CNTNAP5: variants seen among roughly 807,000 people sequenced by gnomAD.
CNTNAP5 encodes the protein contactin-associated protein-like 5.
A neutral mutation model predicts 150.2 loss-of-function variants in CNTNAP5; 72 were observed. That is an observed-to-expected ratio of 0.48 (90% CI 0.40 to 0.58). The LOEUF is 0.58. Ranked by LOEUF, CNTNAP5 falls within the 20% of genes least tolerant of loss-of-function variation. CNTNAP5 has a pLI of 0.00. For synonymous variants in CNTNAP5, 672 were observed against 619.8 expected (o/e 1.08, Z -1.25); for missense variants, 1,636 against 1,626.2 (o/e 1.01, Z -0.10).
intron 7 of CNTNAP5, among the ~76,000 whole-genome samples, chr2:124,480,346 A>C (rs1187045793): frequency 6.6e-6 from 1 of 152,218 alleles, no homozygotes; most frequent in African/African-American, 2.4e-5. Context: ...AACAACAGTG[A>C]GTTTTCTTGA....
At chr2:124,421,550 A>C (rs1202238377) in intron 4 of CNTNAP5, among the ~76,000 whole-genome samples, 2 of 152,196 alleles carry the variant, frequency 1.3e-5, no homozygotes, top group Non-Finnish European at 2.9e-5. Flanking sequence ...AGCCTCTGTC[A>C]GTTCTTACCT....
chr2:124,828,365 C>T (rs191952292), intron 19 of CNTNAP5, among the ~76,000 whole-genome samples: 85 of 152,046 alleles, frequency 5.6e-4, no homozygotes, highest in African/African-American at 1.9e-3. Flanking sequence ...CCTGTAGTCC[C>T]AGTTACTTGG....
At chr2:124,627,951 T>C (rs1677765854) in intron 12 of CNTNAP5, among the ~76,000 whole-genome samples, 1 of 151,952 alleles carries the variant, frequency 6.6e-6, no homozygotes, top group South Asian at 2.1e-4. Context: ...ACTGACCAAG[T>C]GGAAGAGAAA....
intron 17 of CNTNAP5, among the ~76,000 whole-genome samples, chr2:124,785,453 G>A (rs1681547259): frequency 1.3e-5 from 2 of 152,208 alleles, no homozygotes; most frequent in South Asian, 4.1e-4. Context: ...GAAATGATCG[G>A]TGGGTAGAAA....
chr2:124,248,723 A>G (rs532368164), intron 3 of CNTNAP5, among the ~76,000 whole-genome samples: 25 of 152,172 alleles, frequency 1.6e-4, no homozygotes, highest in Non-Finnish European at 3.4e-4. Flanking sequence ...GCACTCACAC[A>G]TTTACACATG....
chr2:124,245,180 T>A (rs1392291052), intron 3 of CNTNAP5, among the ~76,000 whole-genome samples: 1 of 152,190 alleles, frequency 6.6e-6, no homozygotes, highest in African/African-American at 2.4e-5. Context: ...ATACCAATAA[T>A]ACCTATTTGT....
chr2:124,711,283 T>A (rs202110128), intron 13 of CNTNAP5, among the ~76,000 whole-genome samples: 3 of 106,884 alleles, frequency 2.8e-5, no homozygotes, highest in East Asian at 3.4e-4. Context: ...AAATAAAAAA[T>A]AATAATAATA....
chr2:124,114,139 G>T (rs1683369799), intron 1 of CNTNAP5, among the ~76,000 whole-genome samples: 1 of 151,904 alleles, frequency 6.6e-6, no homozygotes, highest in South Asian at 2.1e-4. Context: ...AGCTTGCCAA[G>T]CTTCTAAACA....
chr2:124,594,606 A>C (rs1158676822), intron 11 of CNTNAP5, among the ~76,000 whole-genome samples: 15 of 134,334 alleles, frequency 1.1e-4, no homozygotes, highest in African/African-American at 2.2e-4. Flanking sequence ...CTTAGGATTG[A>C]CTTGGCGATG....
At chr2:124,200,996 G>C (rs992143891) in intron 1 of CNTNAP5, among the ~76,000 whole-genome samples, 3 of 152,130 alleles carry the variant, frequency 2.0e-5, no homozygotes, top group Non-Finnish European at 4.4e-5. Context: ...CTGGGGATCT[G>C]TTTCACCCTA....
intron 3 of CNTNAP5, among the ~76,000 whole-genome samples, chr2:124,263,248 A>T (rs1384540323): frequency 6.6e-6 from 1 of 152,150 alleles, no homozygotes; most frequent in Non-Finnish European, 1.5e-5. Flanking sequence ...TGGTTGAACT[A>T]GTTTACAGTC....
chr2:124,613,485 G>A (rs746245264), intron 12 of CNTNAP5, among the ~76,000 whole-genome samples: 2 of 152,154 alleles, frequency 1.3e-5, no homozygotes, highest in Non-Finnish European at 1.5e-5. Context: ...GCCTTTCCTC[G>A]TTGAGAATTC....
At chr2:124,785,153 A>G (rs1208033060) in intron 17 of CNTNAP5, among the ~76,000 whole-genome samples, 1 of 152,182 alleles carries the variant, frequency 6.6e-6, no homozygotes, top group Admixed American at 6.5e-5. Context: ...ACTGTATACA[A>G]GAAACAAACA....
At chr2:124,442,251 G>A (rs1692693542) in intron 5 of CNTNAP5, among the ~76,000 whole-genome samples, 1 of 152,088 alleles carries the variant, frequency 6.6e-6, no homozygotes, top group Non-Finnish European at 1.5e-5. Flanking sequence ...CCTGCCCATT[G>A]AGATGGTGGT....
chr2:124,046,822 G>A (rs1681551912), intron 1 of CNTNAP5, among the ~76,000 whole-genome samples: 1 of 152,180 alleles, frequency 6.6e-6, no homozygotes. Flanking sequence ...TCCCCTGAGT[G>A]ATACCATGCC....
At chr2:124,315,757 G>C (rs1055973402) in intron 3 of CNTNAP5, among the ~76,000 whole-genome samples, 2 of 152,084 alleles carry the variant, frequency 1.3e-5, no homozygotes, top group Admixed American at 6.5e-5. Flanking sequence ...TGAGCTGCAA[G>C]GGGATCCTGC....
At chr2:124,668,217 A>C (rs1045959967) in intron 13 of CNTNAP5, among the ~76,000 whole-genome samples, 3 of 152,198 alleles carry the variant, frequency 2.0e-5, no homozygotes, top group Non-Finnish European at 2.9e-5. Context: ...GTAGTCATAC[A>C]TTTAGCTAGG....
rs115449174 is a variant in CNTNAP5 at position 124,214,825 on chromosome 2, A to G, written c.83-6880A>G. Reference sequence around the variant, plus strand: ...TCTCACAGCAAGAAGCACAACCATGAGTATTTAGCAGCTGATCAAAAAGCA... The same window carrying G: ...TCTCACAGCAAGAAGCACAACCATGGGTATTTAGCAGCTGATCAAAAAGCA... On this transcript the variant is annotated intron_variant, in intron 1 of 23. Transcript: ENST00000682447. 3.8e-3 allele frequency among the ~76,000 whole-genome samples: 579 copies of G among 152,330 alleles called. 5 individuals are homozygous for G. Among genetic ancestry groups the G allele is most frequent in the African/African-American group, 0.013 (559 of 41,578 alleles).
chr2:124,296,428 A>G (rs1443297827), intron 3 of CNTNAP5, among the ~76,000 whole-genome samples: 3 of 152,224 alleles, frequency 2.0e-5, no homozygotes, highest in East Asian at 3.9e-4. Flanking sequence ...ATCTGGTTTC[A>G]TGGCTAAGTG....
Sources: allele counts gnomAD v4.1 joint callset (sites outside exome capture counted in the v4.1 genomes callset), GRCh38; gene constraint gnomAD v4.1.1; transcripts MANE v1.5; gene names NCBI Gene and HGNC (gene_info 2026-07-23, HGNC 2026-07-21).